TRIO: variants seen among roughly 807,000 people sequenced by gnomAD.
TRIO encodes the protein trio Rho guanine nucleotide exchange factor, also known as triple functional domain protein.
TRIO carries 58 observed loss-of-function variants against 351.9 expected under a neutral mutation model. The observed-to-expected ratio is 0.16, with a 90% CI of 0.13 to 0.21. TRIO has a LOEUF of 0.21. Ranked by LOEUF, TRIO falls within the 10% of genes least tolerant of loss-of-function variation. The probability of loss-of-function intolerance (pLI) is 1.00; values close to 1 mark genes in which losing one functional copy is unlikely to be tolerated. For missense variants in TRIO, 3,201 were observed against 4,027.8 expected, an observed-to-expected ratio of 0.79 and a Z score of 5.56; for synonymous variants, 1,758 against 1,595.7, an observed-to-expected ratio of 1.10 and a Z score of -2.42.
intron 11 of TRIO, among the ~76,000 whole-genome samples, chr5:14,352,353 T>C (rs546544214): frequency 1.3e-5 from 2 of 152,332 alleles, no homozygotes; most frequent in South Asian, 4.1e-4. Context: ...TGAACTTCCA[T>C]AGGACACAAC....
At chr5:14,405,801 T>G in intron 31 of TRIO, 47 bp from the exon 32 acceptor site, 1 of 1,571,626 alleles carries the variant, frequency 6.4e-7, no homozygotes, top group Non-Finnish European at 8.7e-7. Context: ...GGGCAAGGTC[T>G]GGAAAGGGCC....
intron 9 of TRIO, 70 bp downstream of exon 9, chr5:14,316,813 T>TAAAGA: frequency 1.4e-6 from 2 of 1,454,612 alleles, no homozygotes; most frequent in Non-Finnish European, 1.9e-6. Flanking sequence ...TACATCATCA[T>TAAAGA]ATTGGGAAGA....
At chr5:14,240,834 C>T (rs1471659736) in intron 1 of TRIO, among the ~76,000 whole-genome samples, 1 of 151,858 alleles carries the variant, frequency 6.6e-6, no homozygotes, top group Non-Finnish European at 1.5e-5. Context: ...TTGGGTGTTC[C>T]CCCCCACCCC....
At chr5:14,349,294 G>A (rs1490847293) in intron 11 of TRIO, among the ~76,000 whole-genome samples, 2 of 147,230 alleles carry the variant, frequency 1.4e-5, no homozygotes, top group South Asian at 2.1e-4. Flanking sequence ...ACGCACGTGA[G>A]CATGTGTTTT....
At chr5:14,463,440 A>C (rs1319810972) in intron 36 of TRIO, among the ~76,000 whole-genome samples, 5 of 152,196 alleles carry the variant, frequency 3.3e-5, no homozygotes, top group Non-Finnish European at 5.9e-5. Context: ...ATAGTTGTCA[A>C]AGTGTAGGAA....
intron 26 of TRIO, chr5:14,390,515 A>G (rs1313507502): frequency 6.8e-6 from 4 of 585,960 alleles, no homozygotes; most frequent in Non-Finnish European, 1.2e-5. Flanking sequence ...GAAATAGAAT[A>G]TTTAGTGTGC....
At chr5:14,154,365 C>T (rs1787988335) in intron 1 of TRIO, among the ~76,000 whole-genome samples, 1 of 152,118 alleles carries the variant, frequency 6.6e-6, no homozygotes, top group East Asian at 1.9e-4. Flanking sequence ...AGGAGGGCAC[C>T]ACGGAGCTGC....
chr5:14,181,222 G>A (rs533141995), intron 1 of TRIO, among the ~76,000 whole-genome samples: 215 of 151,666 alleles, frequency 1.4e-3, no homozygotes, highest in African/African-American at 4.7e-3. Context: ...TACAAATACC[G>A]TATTATTCTT....
chr5:14,464,023 A>G (rs1754038633), intron 36 of TRIO, among the ~76,000 whole-genome samples: 1 of 152,142 alleles, frequency 6.6e-6, no homozygotes, highest in Admixed American at 6.5e-5. Flanking sequence ...GACTGAGCAC[A>G]GGTTGGAGTC....
chr5:14,390,703 C>T (rs1399595197), intron 26 of TRIO, among the ~76,000 whole-genome samples, 198 bp from the exon 27 acceptor site: 3 of 152,134 alleles, frequency 2.0e-5, no homozygotes, highest in Non-Finnish European at 4.4e-5. Flanking sequence ...CCCGACGTGT[C>T]GGGGTCGGGG....
At chr5:14,505,349 A>G (rs948371309) in intron 55 of TRIO, among the ~76,000 whole-genome samples, 1 of 152,170 alleles carries the variant, frequency 6.6e-6, no homozygotes, top group African/African-American at 2.4e-5. Flanking sequence ...TCCACCCCAA[A>G]CATCTGTGCA....
rs756160374 is a variant in TRIO at position 14,492,834 on chromosome 5, G to T, written c.7880+20G>T. 1.9e-6 allele frequency: 3 copies of T among 1,607,802 alleles called. No homozygotes were observed. Among genetic ancestry groups the T allele is most frequent in the East Asian group, 2.2e-5 (1 of 44,720 alleles). On this transcript the variant is annotated intron_variant, in intron 49 of 56. Coordinates refer to ENST00000344204, the MANE Select transcript of TRIO (RefSeq NM_007118.4). ...TCTCAAGTGAGTGCTTGACAGTAAC[G>T]GCGTCCTGGCAGGCAGCAGAGGGAG...
intron 49 of TRIO, among the ~76,000 whole-genome samples, chr5:14,495,816 A>G (rs1370984501): frequency 6.6e-6 from 1 of 152,138 alleles, no homozygotes; most frequent in Non-Finnish European, 1.5e-5. Flanking sequence ...AATACAAAAA[A>G]AAATAGCTGA....
chr5:14,457,596 C>CT (rs1753453392), intron 34 of TRIO, among the ~76,000 whole-genome samples: 2 of 152,234 alleles, frequency 1.3e-5, no homozygotes, highest in South Asian at 4.2e-4. Flanking sequence ...CAACTAGCTC[C>CT]TTTCCCAGGC....
intron 1 of TRIO, among the ~76,000 whole-genome samples, chr5:14,185,461 G>T (rs977330082): frequency 6.6e-6 from 1 of 152,226 alleles, no homozygotes; most frequent in Non-Finnish European, 1.5e-5. Flanking sequence ...ACGTCTGCTG[G>T]CTCTGAGCAG....
rs565985790 is a variant in TRIO, at chr5:14,286,093, T to C, written c.348-778T>C. 9.3e-5 allele frequency among the ~76,000 whole-genome samples: 14 copies of C among 150,924 alleles called. No individual in the cohort carries two copies. The highest frequency in any genetic ancestry group is 3.4e-4 in the African/African-American group (14 of 41,452). The stretch of plus-strand genomic sequence containing the variant: ...TTAATACAATTAGAAGCTGGCACTT[T>C]TTTTTTTTAAGTGCAATAATGTGGA... On this transcript the variant is annotated intron_variant, in intron 3 of 56. Coordinates refer to ENST00000344204, the MANE Select transcript of TRIO (RefSeq NM_007118.4). The surrounding 1 kb of genome is among the most constrained non-coding windows in gnomAD (Gnocchi z 4.4).
chr5:14,375,705 A>T (rs559335069), intron 19 of TRIO, among the ~76,000 whole-genome samples: 9 of 152,328 alleles, frequency 5.9e-5, no homozygotes, highest in African/African-American at 2.2e-4. Context: ...GAAGCCCCGT[A>T]TCCAAGAGGG....
At chr5:14,426,673 A>C (rs182487459) in intron 34 of TRIO, among the ~76,000 whole-genome samples, 2 of 152,314 alleles carry the variant, frequency 1.3e-5, no homozygotes, top group East Asian at 3.9e-4. Context: ...GAAAGCAGCG[A>C]GTCTCCGCAG....
At chr5:14,337,792 C>G (rs893496630) in intron 11 of TRIO, among the ~76,000 whole-genome samples, 1 of 152,120 alleles carries the variant, frequency 6.6e-6, no homozygotes. Context: ...CTCTGAAACC[C>G]TGTGAGGCTG....
Sources: allele counts gnomAD v4.1 joint callset (sites outside exome capture counted in the v4.1 genomes callset), GRCh38; gene constraint gnomAD v4.1.1; non-coding constraint Gnocchi (gnomAD v3.1); transcripts MANE v1.5; gene names NCBI Gene and HGNC (gene_info 2026-07-23, HGNC 2026-07-21).